The following PDE3A variants were observed in gnomAD, a reference collection of about 807,000 sequenced individuals.
The protein encoded by PDE3A is phosphodiesterase 3A.
PDE3A carries 43 observed loss-of-function variants against 98.3 expected under a neutral mutation model. The ratio of observed to expected loss-of-function variants is 0.44; its 90% CI spans 0.34 to 0.56. PDE3A has a LOEUF of 0.56. Ranked by LOEUF, PDE3A falls within the 20% of genes least tolerant of loss-of-function variation. PDE3A has a pLI of 0.01. For synonymous variants in PDE3A, 663 were observed against 567.9 expected, an observed-to-expected ratio of 1.17 and a Z score of -2.38; for missense variants, 1,427 against 1,440.7, an observed-to-expected ratio of 0.99 and a Z score of 0.15.
chr12:20,473,152 A>G (rs942987575), intron 1 of PDE3A, among the ~76,000 whole-genome samples: 4 of 152,266 alleles, frequency 2.6e-5, no homozygotes, highest in East Asian at 1.9e-4. Flanking sequence ...TGAATTATGA[A>G]TATTATGCAC....
chr12:20,674,977 C>T (rs746372317), intron 15 of PDE3A, among the ~76,000 whole-genome samples: 71 of 151,652 alleles, frequency 4.7e-4, no homozygotes, highest in Non-Finnish European at 1.0e-3. Context: ...TATTCTACTA[C>T]TTTGTGGCCT....
intron 3 of PDE3A, among the ~76,000 whole-genome samples, chr12:20,614,596 A>ATGAT (rs1476075992): frequency 1.3e-5 from 2 of 152,158 alleles, no homozygotes; most frequent in Non-Finnish European, 2.9e-5. Context: ...TAAGTATAAT[A>ATGAT]TGATAGTAAG....
At position 20,687,218 on chromosome 12, in the gene PDE3A, G is replaced by A. The variant is rs1945990818; in HGVS notation, c.*6947G>A. Reference sequence around the variant, plus strand: ...TGTGTATATAAAGTGTTGGTTCATAGCAGTTTCCTTGTCCCTTTTCTTTTT... The same window carrying A: ...TGTGTATATAAAGTGTTGGTTCATAACAGTTTCCTTGTCCCTTTTCTTTTT... On this transcript the variant is annotated 3_prime_UTR_variant, in exon 16 of 16. Transcript: ENST00000359062. 1.3e-5 allele frequency among the ~76,000 whole-genome samples: 2 copies of A among 152,020 alleles called. No homozygotes were observed. The highest frequency in any genetic ancestry group is 4.8e-5 in the African/African-American group (2 of 41,420).
intron 1 of PDE3A, among the ~76,000 whole-genome samples, chr12:20,518,511 A>G (rs936337366): frequency 1.3e-5 from 2 of 152,194 alleles, no homozygotes; most frequent in African/African-American, 4.8e-5. Context: ...AGCAAAAGCA[A>G]TATATATTTT....
intron 13 of PDE3A, among the ~76,000 whole-genome samples, chr12:20,649,179 C>T (rs1944858922): frequency 6.6e-6 from 1 of 151,992 alleles, no homozygotes; most frequent in Admixed American, 6.6e-5. Flanking sequence ...GATCCACCCG[C>T]CTCGGCCTCC....
chr12:20,448,403 T>C (rs1944998417), intron 1 of PDE3A, among the ~76,000 whole-genome samples: 1 of 152,126 alleles, frequency 6.6e-6, no homozygotes, highest in Non-Finnish European at 1.5e-5. Context: ...GTCGCGTCAA[T>C]GCACAACAGC....
At chr12:20,443,768 GTAT>G (rs1280687148) in intron 1 of PDE3A, among the ~76,000 whole-genome samples, 1 of 152,094 alleles carries the variant, frequency 6.6e-6, no homozygotes, top group Non-Finnish European at 1.5e-5. Context: ...AGAGAAATAG[GTAT>G]TATTCTACTT....
Position 20,656,744 on chromosome 12 carries a change from G to A in PDE3A, c.3184+2539G>A, listed in dbSNP as rs193261041. 8.0e-3 allele frequency among the ~76,000 whole-genome samples: 1,221 copies of A among 152,236 alleles called. 7 individuals carry two copies. Among genetic ancestry groups the A allele is most frequent in the Non-Finnish European group, 0.011 (718 of 68,008 alleles). ...GAAGGTATTGTCAGCTTAGCCTCTG[G>A]AAAAGCTTTGTTCCCAGGGGCCCTG... On this transcript the variant is annotated intron_variant, in intron 15 of 15. Transcript: ENST00000359062.
intron 1 of PDE3A, among the ~76,000 whole-genome samples, chr12:20,542,873 G>A (rs1428473937): frequency 6.6e-6 from 1 of 152,002 alleles, no homozygotes; most frequent in African/African-American, 2.4e-5. Context: ...ACGGGGCATG[G>A]TATGAATGAA....
rs748547884 is a variant in PDE3A, at chr12:20,616,227, T to C, written c.1270-3T>C. The C allele has an allele frequency of 1.2e-6, 2 of 1,613,648 alleles. No homozygotes were observed. The highest frequency in any genetic ancestry group is 8.5e-7 in the Non-Finnish European group (1 of 1,179,706). The stretch of plus-strand genomic sequence containing the variant: ...GGGTAATGAAGTCAAGTCTCTTTCC[T>C]AGCGCCTGAGAAGGAGTTTGCCTCC... On this transcript the variant is annotated splice_region_variant and splice_polypyrimidine_tract_variant and intron_variant, in intron 3 of 15. Transcript: ENST00000359062.
At chr12:20,573,103 G>C (rs1398533492) in intron 2 of PDE3A, among the ~76,000 whole-genome samples, 7 of 151,916 alleles carry the variant, frequency 4.6e-5, no homozygotes, top group Non-Finnish European at 1.0e-4. Context: ...TATTTTATAA[G>C]TAATTTTTCA....
intron 1 of PDE3A, among the ~76,000 whole-genome samples, chr12:20,423,253 A>G (rs1343362343): frequency 6.6e-6 from 1 of 152,216 alleles, no homozygotes; most frequent in Non-Finnish European, 1.5e-5. Context: ...AGTTACAATA[A>G]ATAATGGCAA....
chr12:20,541,124 T>G (rs1941896973), intron 1 of PDE3A, among the ~76,000 whole-genome samples: 2 of 125,826 alleles, frequency 1.6e-5, no homozygotes, highest in Admixed American at 9.2e-5. Context: ...TGAGACAGGG[T>G]CTCCCTCTGT....
At chr12:20,646,630 C>A in intron 11 of PDE3A, 27 bp downstream of exon 11, 2 of 1,421,834 alleles carry the variant, frequency 1.4e-6, no homozygotes, top group Non-Finnish European at 2.0e-6. Context: ...TCTGCACTGC[C>A]TTATGAAAGA....
intron 7 of PDE3A, 63 bp downstream of exon 7, chr12:20,633,841 T>A: frequency 1.0e-6 from 1 of 969,902 alleles, no homozygotes; most frequent in South Asian, 1.5e-5. Context: ...GTTTTCCTGA[T>A]CAAAACAGTG....
intron 8 of PDE3A, among the ~76,000 whole-genome samples, chr12:20,636,611 C>G (rs1565458129): frequency 6.6e-6 from 1 of 152,038 alleles, no homozygotes; most frequent in East Asian, 1.9e-4. Context: ...TTAATATAAA[C>G]TTAATTAATA....
rs1018545926 is a variant in PDE3A, at chr12:20,579,889, G to A, written c.1011+23179G>A. ...AACAATTGAAGAGCCATGTATTATAGAAATTGGAGTGGGAATGAACTCTCA... is the reference window on the plus strand; with the variant it reads ...AACAATTGAAGAGCCATGTATTATAAAAATTGGAGTGGGAATGAACTCTCA... On this transcript the variant is annotated intron_variant, in intron 2 of 15. Coordinates refer to ENST00000359062, the MANE Select transcript of PDE3A (RefSeq NM_000921.5). 4.6e-5 allele frequency among the ~76,000 whole-genome samples: 7 copies of A among 152,264 alleles called. No homozygotes were observed. In the East Asian group the frequency reaches 1.4e-3, roughly 29 times the overall value.
chr12:20,603,304 A>G (rs1473777401), intron 2 of PDE3A, among the ~76,000 whole-genome samples: 1 of 152,156 alleles, frequency 6.6e-6, no homozygotes, highest in Non-Finnish European at 1.5e-5. Context: ...AAATAGAAAG[A>G]AAAAAATACT....
chr12:20,534,123 C>T (rs1043357950), intron 1 of PDE3A, among the ~76,000 whole-genome samples: 1 of 152,100 alleles, frequency 6.6e-6, no homozygotes, highest in East Asian at 1.9e-4. Flanking sequence ...AGCCTTTCCT[C>T]GCACTGAGAA....
Sources: allele counts gnomAD v4.1 joint callset (sites outside exome capture counted in the v4.1 genomes callset), GRCh38; gene constraint gnomAD v4.1.1; transcripts MANE v1.5; gene names NCBI Gene and HGNC (gene_info 2026-07-23, HGNC 2026-07-21).